The following CECR2 variants were observed in gnomAD, a reference collection of about 807,000 sequenced individuals.
CECR2 encodes the protein CECR2 histone acetyl-lysine reader.
CECR2 carries 30 observed loss-of-function variants against 154.5 expected under a neutral mutation model. That is an observed-to-expected ratio of 0.19 (90% CI 0.15 to 0.26). The LOEUF is 0.26. Among genes scored for constraint, CECR2 ranks in the 10% least tolerant of loss-of-function variants. The probability of loss-of-function intolerance (pLI) is 1.00; values close to 1 mark genes in which losing one functional copy is unlikely to be tolerated. For synonymous variants in CECR2, 725 were observed against 683.7 expected, an observed-to-expected ratio of 1.06 and a Z score of -0.94; for missense variants, 1,743 against 1,829.3, an observed-to-expected ratio of 0.95 and a Z score of 0.86.
intron 1 of CECR2, among the ~76,000 whole-genome samples, chr22:17,438,219 T>C (rs1283293780): frequency 6.6e-6 from 1 of 152,180 alleles, no homozygotes; most frequent in Non-Finnish European, 1.5e-5. Context: ...ACAGAACATT[T>C]CAAAAATGAG....
intron 9 of CECR2, among the ~76,000 whole-genome samples, chr22:17,525,807 G>A (rs1171172169): frequency 1.3e-5 from 2 of 151,896 alleles, no homozygotes; most frequent in Non-Finnish European, 2.9e-5. Context: ...TCCTTATTGG[G>A]TACACCTGTC....
Position 17,553,001 on chromosome 22 carries a change from AAAAG to A in CECR2, c.*162_*165del. 1 of 1,448,646 alleles carries A rather than the reference AAAAG, an allele frequency of 6.9e-7. No homozygotes were observed. Among genetic ancestry groups the A allele is most frequent in the Non-Finnish European group, 9.1e-7 (1 of 1,103,130 alleles). The allele number at this position is 1,448,646 out of a possible 1,614,324, so 89.7% of individuals were successfully genotyped here. A position where few individuals can be genotyped will look rare whatever the true frequency, so the allele number is the denominator to read the frequency against. Reference sequence around the variant, plus strand: ...TGAGCTGGAGCCAGTCACGGGCCCTAAAAGGACACTCCTTAGATGACTGACACAC... The same window carrying A: ...TGAGCTGGAGCCAGTCACGGGCCCTAGACACTCCTTAGATGACTGACACAC... On this transcript the variant is annotated 3_prime_UTR_variant, in exon 19 of 19. Transcript: ENST00000262608.
chr22:17,478,864 T>A (rs1253066958), intron 2 of CECR2, among the ~76,000 whole-genome samples: 2 of 152,216 alleles, frequency 1.3e-5, no homozygotes, highest in Non-Finnish European at 2.9e-5. Flanking sequence ...AGGTTGTATT[T>A]GTAAATAAAA....
Position 17,548,800 on chromosome 22 carries a change from A to C in CECR2, c.3513A>C (p.Gly1171=). 1 of 1,613,728 alleles carries C rather than the reference A, an allele frequency of 6.2e-7. No individual in the cohort carries two copies. The highest frequency in any genetic ancestry group is 1.3e-5 in the African/African-American group (1 of 75,006). Residue 1171 remains glycine, a synonymous_variant, in exon 17 of 19, where the codon GGA becomes GGC. Transcript: ENST00000262608. ...RGFQSNHPHS[G]GFPRYRPPQG... is the part of the protein sequence containing the mutation. ...TTCAGTCTAACCACCCACATTCTGG[A>C]GGCTTTCCCCGGTATCGCCCCCCAC...
chr22:17,510,466 T>TG (rs1394169674), intron 7 of CECR2, among the ~76,000 whole-genome samples: 1 of 140,144 alleles, frequency 7.1e-6, no homozygotes, highest in Non-Finnish European at 1.5e-5. Flanking sequence ...CAAGAACCTA[T>TG]GAAAAAAAAA....
At chr22:17,458,524 T>C (rs575009916) in intron 1 of CECR2, among the ~76,000 whole-genome samples, 44 of 151,922 alleles carry the variant, frequency 2.9e-4, no homozygotes, top group African/African-American at 9.6e-4. Flanking sequence ...TTTTTTTTTC[T>C]TTTTAATATT....
chr22:17,522,186 C>T (rs1211540445), intron 8 of CECR2, among the ~76,000 whole-genome samples: 1 of 152,132 alleles, frequency 6.6e-6, no homozygotes, highest in Non-Finnish European at 1.5e-5. Context: ...CCTCTCTTTC[C>T]CCTGCCCATG....
intron 2 of CECR2, among the ~76,000 whole-genome samples, chr22:17,482,761 C>CTT (rs34165377): frequency 2.0e-4 from 25 of 125,298 alleles, no homozygotes; most frequent in African/African-American, 4.5e-4. Flanking sequence ...TTTTGAACTC[C>CTT]TTTTTTTTTT....
rs757353756 is a variant in CECR2 at position 17,548,962 on chromosome 22, C to G, written c.3675C>G (p.Pro1225=). 3 of 1,613,980 alleles carry G rather than the reference C, an allele frequency of 1.9e-6. No homozygotes were observed. In the South Asian group the frequency reaches 3.3e-5, roughly 18 times the overall value. ...PLHPQGSPSG[P]PASQPPPPRS... is the part of the protein sequence containing the mutation. ...ATCCCCAGGGAAGCCCAAGCGGACC[C>G]CCAGCCAGTCAGCCTCCCCCACCAA... Residue 1225 remains proline, a synonymous_variant, in exon 17 of 19, where the codon CCC becomes CCG. Coordinates refer to ENST00000262608, the MANE Select transcript of CECR2 (RefSeq NM_001290047.2).
At chr22:17,503,037 G>T (rs2055767179) in intron 5 of CECR2, 45 bp from the exon 6 acceptor site, 3 of 1,584,250 alleles carry the variant, frequency 1.9e-6, no homozygotes, top group South Asian at 1.1e-5. Flanking sequence ...AACAATTTTG[G>T]ACCTGTCTTT....
chr22:17,486,626 G>T (rs2055425843), intron 2 of CECR2, among the ~76,000 whole-genome samples: 2 of 152,192 alleles, frequency 1.3e-5, no homozygotes, highest in African/African-American at 4.8e-5. Flanking sequence ...GGAAAAACTA[G>T]GCCATTAGAA....
intron 1 of CECR2, among the ~76,000 whole-genome samples, chr22:17,429,214 G>A (rs2054381224): frequency 6.6e-6 from 1 of 151,894 alleles, no homozygotes; most frequent in African/African-American, 2.4e-5. Context: ...CACAGTGATT[G>A]GTACAAAGAA....
At chr22:17,491,987 G>C (rs1033983014) in intron 2 of CECR2, among the ~76,000 whole-genome samples, 2 of 152,164 alleles carry the variant, frequency 1.3e-5, no homozygotes, top group Non-Finnish European at 2.9e-5. Flanking sequence ...TAGAGAAGAA[G>C]AACTGTTATT....
At chr22:17,516,810 T>C (rs574249550) in intron 8 of CECR2, among the ~76,000 whole-genome samples, 1 of 151,370 alleles carries the variant, frequency 6.6e-6, no homozygotes, top group East Asian at 1.9e-4. Flanking sequence ...GTCAGGCTGG[T>C]CTTGAACACC....
At chr22:17,550,484 A>G (rs1315113778) in intron 17 of CECR2, 1 of 154,184 alleles carries the variant, frequency 6.5e-6, no homozygotes, top group African/African-American at 2.4e-5. Context: ...TTTACTACAT[A>G]CCTCTCATTT....
intron 9 of CECR2, among the ~76,000 whole-genome samples, chr22:17,533,190 T>G (rs2056385729): frequency 6.6e-6 from 1 of 151,120 alleles, no homozygotes; most frequent in African/African-American, 2.4e-5. Flanking sequence ...TTGGTGCACT[T>G]CTGTAATCCC....
At chr22:17,378,795 A>G (rs2063151420) in intron 1 of CECR2, among the ~76,000 whole-genome samples, 1 of 152,156 alleles carries the variant, frequency 6.6e-6, no homozygotes, top group Admixed American at 6.6e-5. Context: ...ACCCTATGTG[A>G]GATAGATGAG....
chr22:17,470,755 G>A (rs1054720851), intron 1 of CECR2, among the ~76,000 whole-genome samples: 2 of 152,120 alleles, frequency 1.3e-5, no homozygotes, highest in African/African-American at 4.8e-5. Flanking sequence ...GTCATTTCTA[G>A]CACTGGCCCC....
Position 17,542,735 on chromosome 22 carries a change from A to G in CECR2, c.2592A>G (p.Gly864=). ...PPVPAPSSLF[G]APAQALRGVQ... Reference sequence around the variant, plus strand: ...TGCCAGCACCCAGTTCTTTGTTTGGAGCACCTGCCCAGGCTCTTCGGGGGG... The same window carrying G: ...TGCCAGCACCCAGTTCTTTGTTTGGGGCACCTGCCCAGGCTCTTCGGGGGG... Residue 864 remains glycine (G), a synonymous_variant, in exon 16 of 19, where the codon GGA becomes GGG. Coordinates refer to ENST00000262608, the MANE Select transcript of CECR2 (RefSeq NM_001290047.2). 1 of 1,613,924 alleles carries G rather than the reference A, an allele frequency of 6.2e-7. No homozygotes were observed. The highest frequency in any genetic ancestry group is 8.5e-7 in the Non-Finnish European group (1 of 1,179,872).
Sources: gnomAD v4.1 joint callset for allele counts (sites outside exome capture counted in the v4.1 genomes callset) on GRCh38, gnomAD v4.1.1 for gene constraint, MANE v1.5 for transcripts, NCBI Gene and HGNC (gene_info 2026-07-23, HGNC 2026-07-21) for gene names.